ABCA3: variants seen among roughly 807,000 people sequenced by gnomAD.
The protein encoded by ABCA3 is ATP binding cassette subfamily A member 3, also known as phospholipid-transporting ATPase ABCA3.
Under a neutral mutation model 172.8 loss-of-function variants are expected in ABCA3, and 88 were observed. That is an observed-to-expected ratio of 0.51 (90% CI 0.43 to 0.61). The LOEUF is 0.61. ABCA3 is among the 20% of genes least tolerant of loss of function. The probability of loss-of-function intolerance (pLI) is 0.00; values close to 1 mark genes in which losing one functional copy is unlikely to be tolerated. For missense variants in ABCA3, 2,164 were observed against 2,301.0 expected, an observed-to-expected ratio of 0.94 and a Z score of 1.22; for synonymous variants, 1,066 against 983.8, an observed-to-expected ratio of 1.08 and a Z score of -1.56.
At chr16:2,324,256 C>T in intron 6 of ABCA3, 148 bp downstream of exon 6, 1 of 1,220,364 alleles carries the variant, frequency 8.2e-7, no homozygotes, top group South Asian at 1.4e-5. Context: ...ATGATATTAT[C>T]AGACCCAAAG....
At position 2,289,419 on chromosome 16, in the gene ABCA3, C is replaced by T; in HGVS notation, c.2700+15G>A. On this transcript the variant is annotated intron_variant, in intron 20 of 32. Transcript: ENST00000301732. ...GCCCTTCCCCCGCCACCCGCCCACC[C>T]ACCTGGGCACTCACCCCAGTGTTGA... 9 of 1,571,804 alleles carry T rather than the reference C, an allele frequency of 5.7e-6. No individual in the cohort carries two copies. The highest frequency in any genetic ancestry group is 7.7e-6 in the Non-Finnish European group (9 of 1,161,764).
intron 12 of ABCA3, among the ~76,000 whole-genome samples, chr16:2,303,492 G>C (rs1162696880): frequency 1.3e-5 from 2 of 150,818 alleles, no homozygotes; most frequent in African/African-American, 2.4e-5. Flanking sequence ...GGATGGTCTT[G>C]ATCTCCTGAC....
intron 19 of ABCA3, among the ~76,000 whole-genome samples, chr16:2,290,470 G>A (rs1033793505): frequency 1.3e-5 from 2 of 152,190 alleles, no homozygotes; most frequent in Non-Finnish European, 2.9e-5. Context: ...CGTGTGGTGA[G>A]TATGAGATGG....
rs112168649 is a variant in ABCA3, at chr16:2,284,962, G to A, written c.3520C>T (p.Arg1174Trp). 48 of 1,613,644 alleles carry A rather than the reference G, an allele frequency of 3.0e-5. No individual in the cohort carries two copies. Among genetic ancestry groups the A allele is most frequent in the African/African-American group, 1.7e-4 (13 of 74,894 alleles). ...AGGGTGTCAGCCATGTGGCCGTCCC[G>A]CGTGAAGGCACGCACGTCGAAGGCC... ...FKAFDVRAFTRDGHMADTLLL... is the reference protein window; with the variant it reads ...FKAFDVRAFTWDGHMADTLLL... Residue 1174 changes from arginine to tryptophan, a missense_variant, in exon 24 of 33, where the codon CGG becomes TGG. Physicochemically the swap from Arg to Trp is moderately radical, Grantham distance 101. This residue lies in a region of ABCA3 where 795 missense variants were observed against 881.9 expected (regional missense o/e 0.90). Coordinates refer to ENST00000301732, the MANE Select transcript of ABCA3 (RefSeq NM_001089.3). This position sits in a 1 kb window ranked among gnomAD's most constrained non-coding sequence, Gnocchi z 5.9.
Position 2,276,417 on chromosome 16 carries a change from C to T in ABCA3, c.*257G>A, listed in dbSNP as rs528785093. On this transcript the variant is annotated 3_prime_UTR_variant, in exon 33 of 33. Transcript: ENST00000301732. ...CCACCCAGAGACCCCGGAGCTTGCC[C>T]GCAGACTGCCCGGCCTGCCCCAGCT... is the stretch of plus-strand genomic sequence containing the variant. 3.9e-4 allele frequency: 254 copies of T among 657,510 alleles called. 1 individual carries two copies. Among genetic ancestry groups the T allele is most frequent in the South Asian group, 1.1e-3 (75 of 66,388 alleles). 40.7% of individuals were successfully genotyped at this position (657,510 alleles called of 1,614,324 possible). A position where few individuals can be genotyped will look rare whatever the true frequency, so the allele number is the denominator to read the frequency against.
rs772674929 is a variant in ABCA3 at position 2,279,121 on chromosome 16, G to A, written c.4369C>T (p.Arg1457Trp). The A allele has an allele frequency of 9.3e-6, 15 of 1,611,404 alleles. No homozygotes were observed. The highest frequency in any genetic ancestry group is 1.7e-5 in the Admixed American group (1 of 60,024). The change falls in exon 29 of 33, where the codon CGG (arginine) becomes TGG (tryptophan). Residue 1457 changes from arginine (R) to tryptophan (W), a missense_variant. Transcript: ENST00000301732. The surrounding 1 kb of genome is among the most constrained non-coding windows in gnomAD (Gnocchi z 4.4). Reference sequence around the variant, plus strand: ...TCAAACTGCGGGCAGTAGCCGATCCGCTGCCGCACCTGGGGTCGGAGCATA... The same window carrying A: ...TCAAACTGCGGGCAGTAGCCGATCCACTGCCGCACCTGGGGTCGGAGCATA... ...ISSDVGKVRQ[R>W]IGYCPQFDAL...
intron 10 of ABCA3, among the ~76,000 whole-genome samples, chr16:2,310,506 CT>C (rs748170853): frequency 7.3e-5 from 11 of 151,440 alleles, no homozygotes; most frequent in Admixed American, 3.3e-4. Context: ...GTTTTTCCAA[CT>C]TTTTTTTCTT....
At chr16:2,329,193 G>T (rs985263176) in intron 2 of ABCA3, among the ~76,000 whole-genome samples, 11 of 152,088 alleles carry the variant, frequency 7.2e-5, no homozygotes, top group African/African-American at 2.7e-4. Context: ...CTATTAAGGG[G>T]CAACTTAATA....
In ABCA3 at chr16:2,299,385, G is replaced by T; in HGVS notation, c.1741+18C>A. 6.2e-7 allele frequency: 1 copy of T among 1,613,032 alleles called. No homozygotes were observed. Among genetic ancestry groups the T allele is most frequent in the South Asian group, 1.1e-5 (1 of 91,084 alleles). ...GGGGGCCTGCTGGTGGCAGGGGCGTGAGGCGCCTGGCCCTCACCTGTGAGC... is the reference window on the plus strand; with the variant it reads ...GGGGGCCTGCTGGTGGCAGGGGCGTTAGGCGCCTGGCCCTCACCTGTGAGC... On this transcript the variant is annotated intron_variant, in intron 14 of 32. Transcript: ENST00000301732.
At chr16:2,340,146 C>A (rs1407854906) in intron 1 of ABCA3, among the ~76,000 whole-genome samples, 2 of 152,238 alleles carry the variant, frequency 1.3e-5, no homozygotes, top group African/African-American at 4.8e-5. Context: ...GAAAGCGGCG[C>A]CATCTCCGCA....
At chr16:2,338,038 G>C (rs1390762999) in intron 1 of ABCA3, among the ~76,000 whole-genome samples, 1 of 152,222 alleles carries the variant, frequency 6.6e-6, no homozygotes, top group East Asian at 1.9e-4. Flanking sequence ...CGTGGCTTCA[G>C]TCCCGTTCTC....
intron 10 of ABCA3, among the ~76,000 whole-genome samples, chr16:2,312,972 C>T (rs1439453824): frequency 1.3e-5 from 2 of 151,826 alleles, no homozygotes; most frequent in Admixed American, 6.6e-5. Context: ...AAGGATCACT[C>T]GAGCCCTGGG....
At chr16:2,340,156 A>G (rs2093758315) in intron 1 of ABCA3, among the ~76,000 whole-genome samples, 1 of 152,164 alleles carries the variant, frequency 6.6e-6, no homozygotes, top group Non-Finnish European at 1.5e-5. Flanking sequence ...CCATCTCCGC[A>G]AGTGCGCGGC....
At chr16:2,293,020 G>A (rs1373103007) in intron 18 of ABCA3, among the ~76,000 whole-genome samples, 7 of 152,130 alleles carry the variant, frequency 4.6e-5, no homozygotes, top group Non-Finnish European at 5.9e-5. Context: ...ATGGGGCAGG[G>A]GCCACAGGAG....
chr16:2,289,587 G>C lies in ABCA3; in HGVS notation c.2547C>G (p.Ile849Met). 1 of 1,555,630 alleles carries C rather than the reference G, an allele frequency of 6.4e-7. No homozygotes were observed. The highest frequency in any genetic ancestry group is 8.7e-7 in the Non-Finnish European group (1 of 1,150,390). Residue 849 changes from isoleucine to methionine, a missense_variant, in exon 20 of 33, where the codon ATC becomes ATG. This residue lies in a region of ABCA3 where 1,343 missense variants were observed against 1,369.6 expected (regional missense o/e 0.98). Transcript: ENST00000301732. ...GCAGGGCAGGGAGCTGGATGGCCTG[G>C]ATGTCCATACTGCTGTCCACCAGCT... ...VGKLVDSSMD[I>M]QAIQLPALQY...
intron 12 of ABCA3, 117 bp downstream of exon 12, chr16:2,303,852 G>A: frequency 8.4e-7 from 1 of 1,192,610 alleles, no homozygotes; most frequent in South Asian, 1.3e-5. Context: ...AGGGTTCTGT[G>A]TGCCAGCCCC....
rs1046688170 is a variant in ABCA3, at chr16:2,276,567, A to G, written c.*107T>C. ...TGAATTTTTCATATCCATCATAGAA[A>G]AAAGTGATTAAAAATAAAGGATGAG... is the stretch of plus-strand genomic sequence containing the variant. On this transcript the variant is annotated 3_prime_UTR_variant, in exon 33 of 33. Transcript: ENST00000301732. The G allele has an allele frequency of 2.7e-5, 41 of 1,538,952 alleles. No individual in the cohort carries two copies. Among genetic ancestry groups the G allele is most frequent in the Admixed American group, 5.6e-5 (3 of 53,768 alleles).
At chr16:2,316,200 C>T (rs1428450945) in intron 10 of ABCA3, among the ~76,000 whole-genome samples, 1 of 140,250 alleles carries the variant, frequency 7.1e-6, no homozygotes, top group East Asian at 2.1e-4. Flanking sequence ...GTGAGCTACT[C>T]AGAAGGCTGA....
At chr16:2,333,934 C>T (rs566823115) in intron 1 of ABCA3, among the ~76,000 whole-genome samples, 55 of 152,204 alleles carry the variant, frequency 3.6e-4, no homozygotes, top group Admixed American at 5.2e-4. Context: ...GTGATCCACC[C>T]GCCTCAGCCT....
Sources: allele counts gnomAD v4.1 joint callset (sites outside exome capture counted in the v4.1 genomes callset), GRCh38; gene constraint gnomAD v4.1.1; regional missense constraint gnomAD v4.1.1; non-coding constraint Gnocchi (gnomAD v3.1); transcripts MANE v1.5; gene names NCBI Gene and HGNC (gene_info 2026-07-23, HGNC 2026-07-21).